The following DNAH2 variants were observed in gnomAD, a reference collection of about 807,000 sequenced individuals.
The protein encoded by DNAH2 is dynein axonemal heavy chain 2, also known as axonemal beta dynein heavy chain 2.
DNAH2 carries 323 observed loss-of-function variants against 523.5 expected under a neutral mutation model. That is an observed-to-expected ratio of 0.62 (90% CI 0.56 to 0.68). DNAH2 has a LOEUF of 0.68. DNAH2 is among the 30% of genes least tolerant of loss of function. DNAH2 has a pLI of 0.00. For synonymous variants in DNAH2, 2,093 were observed against 2,177.4 expected (o/e 0.96, Z 1.08); for missense variants, 4,907 against 5,701.5 (o/e 0.86, Z 4.49).
intron 58 of DNAH2, among the ~76,000 whole-genome samples, chr17:7,803,409 G>C (rs1035858928): frequency 7.9e-5 from 12 of 152,166 alleles, no homozygotes; most frequent in Non-Finnish European, 1.6e-4. Context: ...GGTGACTCAC[G>C]CCTGTAATCC....
At chr17:7,723,171 CGT>C (rs1567597888) in intron 2 of DNAH2, among the ~76,000 whole-genome samples, 4 of 149,238 alleles carry the variant, frequency 2.7e-5, no homozygotes, top group South Asian at 2.1e-4. Context: ...GGGGTTTCAC[CGT>C]ATTAGTCAGG....
chr17:7,797,000 G>C (rs895648306), intron 50 of DNAH2, among the ~76,000 whole-genome samples, 176 bp from the exon 51 acceptor site: 4 of 150,706 alleles, frequency 2.7e-5, no homozygotes, highest in African/African-American at 4.9e-5. Flanking sequence ...TACATGGGAG[G>C]CTGAGGCAGG....
Position 7,770,547 on chromosome 17 carries a change from C to T in DNAH2, c.4099-10C>T, listed in dbSNP as rs1189076329. 1 of 1,613,952 alleles carries T rather than the reference C, an allele frequency of 6.2e-7. No homozygotes were observed. On this transcript the variant is annotated splice_polypyrimidine_tract_variant and intron_variant, in intron 25 of 85. Coordinates refer to ENST00000572933, the MANE Select transcript of DNAH2 (RefSeq NM_020877.5). Reference sequence around the variant, plus strand: ...ACCTGACTGCTGTGTCCCCCAATTTCTCTCCACAGGCTTTACAAAACATTG... The same window carrying T: ...ACCTGACTGCTGTGTCCCCCAATTTTTCTCCACAGGCTTTACAAAACATTG...
intron 39 of DNAH2, among the ~76,000 whole-genome samples, chr17:7,785,845 T>C (rs915567314): frequency 6.6e-6 from 1 of 151,466 alleles, no homozygotes; most frequent in African/African-American, 2.4e-5. Flanking sequence ...GAGCTACATG[T>C]AAGACACTGT....
Position 7,779,389 on chromosome 17 carries a change from G to C in DNAH2, c.5688G>C (p.Val1896=), listed in dbSNP as rs1367740436. The C allele has an allele frequency of 6.2e-7, 1 of 1,613,920 alleles. No individual in the cohort carries two copies. The highest frequency in any genetic ancestry group is 8.5e-7 in the Non-Finnish European group (1 of 1,179,988). ...FHFDGFEINL[V]WSCGIFITMN... ...TTGATGGCTTTGAAATAAATCTGGTGTGGTCCTGTGGGATCTTCATTACCA... is the reference window on the plus strand; with the variant it reads ...TTGATGGCTTTGAAATAAATCTGGTCTGGTCCTGTGGGATCTTCATTACCA... The change falls in exon 36 of 86, where the codon GTG becomes GTC. Residue 1896 remains valine (V), a synonymous_variant. Transcript: ENST00000572933.
chr17:7,833,363 C>A lies in DNAH2; in HGVS notation c.13130-16C>A. On this transcript the variant is annotated splice_polypyrimidine_tract_variant and intron_variant, in intron 85 of 85. Coordinates refer to ENST00000572933, the MANE Select transcript of DNAH2 (RefSeq NM_020877.5). Reference sequence around the variant, plus strand: ...GGAGGCTCCAGGGGTCTGACTTCTCCTCTCCTTTCCCCCAGGCATGTACTC... The same window carrying A: ...GGAGGCTCCAGGGGTCTGACTTCTCATCTCCTTTCCCCCAGGCATGTACTC... The A allele has an allele frequency of 6.2e-7, 1 of 1,613,278 alleles. No individual in the cohort carries two copies. The highest frequency in any genetic ancestry group is 8.5e-7 in the Non-Finnish European group (1 of 1,179,656).
Position 7,760,418 on chromosome 17 carries a change from G to A in DNAH2, c.2786-322G>A, listed in dbSNP as rs2075973912. Among the ~76,000 whole-genome samples, 1 of 151,914 alleles carries A rather than the reference G, an allele frequency of 6.6e-6. No homozygotes were observed. ...GGGAAGGGAGCAGGGGCTTGGATGG[G>A]GGTTGAGATTAGGTGACTGATGCTC... is the stretch of plus-strand genomic sequence containing the variant. On this transcript the variant is annotated intron_variant, in intron 17 of 85. Transcript: ENST00000572933. The surrounding 1 kb of genome is among the most constrained non-coding windows in gnomAD (Gnocchi z 4.0).
intron 63 of DNAH2, among the ~76,000 whole-genome samples, chr17:7,811,653 A>C (rs2077520659): frequency 6.6e-6 from 1 of 152,212 alleles, no homozygotes; most frequent in Admixed American, 6.5e-5. Flanking sequence ...ACATAACAGA[A>C]GGGACAAACA....
intron 7 of DNAH2, among the ~76,000 whole-genome samples, chr17:7,736,592 G>A (rs1366890820): frequency 6.6e-6 from 1 of 152,188 alleles, no homozygotes; most frequent in East Asian, 1.9e-4. Flanking sequence ...ACTCTGGTCC[G>A]AAGGCTCACA....
Position 7,718,300 on chromosome 17 carries a change from T to A in DNAH2, c.-514T>A, listed in dbSNP as rs1462371909. ...TGGAGACTGATGGAGGAAGCCTCCT[T>A]GCTGTAGTTGGTTTTATTGATTTGC... On this transcript the variant is annotated 5_prime_UTR_variant, in exon 1 of 86. An upstream open reading frame in the 5' UTR gains an earlier in-frame stop. Transcript: ENST00000572933. 6.6e-6 allele frequency: 1 copy of A among 152,190 alleles called. No individual in the cohort carries two copies. Among genetic ancestry groups the A allele is most frequent in the African/African-American group, 2.4e-5 (1 of 41,444 alleles). 9.4% of individuals were successfully genotyped at this position (152,190 alleles called of 1,614,324 possible). A position where few individuals can be genotyped will look rare whatever the true frequency, so the allele number is the denominator to read the frequency against.
rs747477049 is a variant in DNAH2, at chr17:7,770,870, C to G, written c.4299C>G (p.Leu1433=). 10 of 1,614,076 alleles carry G rather than the reference C, an allele frequency of 6.2e-6. No homozygotes were observed. In the African/African-American group the frequency reaches 1.1e-4, roughly 17 times the overall value. ...EKDVDHWERC[L]SLILEVIEMI... ...ATGTGGACCACTGGGAACGCTGCCTCTCCCTCATTTTGGAGGTTATTGAGA... is the reference window on the plus strand; with the variant it reads ...ATGTGGACCACTGGGAACGCTGCCTGTCCCTCATTTTGGAGGTTATTGAGA... The change falls in exon 27 of 86, where the codon CTC becomes CTG. Residue 1433 remains leucine, a synonymous_variant. Coordinates refer to ENST00000572933, the MANE Select transcript of DNAH2 (RefSeq NM_020877.5).
intron 63 of DNAH2, among the ~76,000 whole-genome samples, chr17:7,809,543 C>T (rs1293681516): frequency 2.0e-5 from 3 of 152,130 alleles, no homozygotes; most frequent in Admixed American, 6.6e-5. Context: ...TTCCCAAGAG[C>T]GAAGAATCAC....
rs1021426809 is a variant in DNAH2 at position 7,754,122 on chromosome 17, A to C, written c.1905-2969A>C. On this transcript the variant is annotated intron_variant, in intron 12 of 85. Coordinates refer to ENST00000572933, the MANE Select transcript of DNAH2 (RefSeq NM_020877.5). This position sits in a 1 kb window ranked among gnomAD's most constrained non-coding sequence, Gnocchi z 4.6. ...GAATGGGAAGAAAAGAGTGACGGGG[A>C]TCTGTGGACGACATTCTTTAAAGCA... Among the ~76,000 whole-genome samples the C allele has an allele frequency of 6.6e-6, 1 of 152,016 alleles. No homozygotes were observed. The highest frequency in any genetic ancestry group is 2.4e-5 in the African/African-American group (1 of 41,370).
Position 7,828,536 on chromosome 17 carries a change from G to A in DNAH2, c.11854-1764G>A, listed in dbSNP as rs1052661482. Among the ~76,000 whole-genome samples the A allele has an allele frequency of 3.3e-5, 5 of 152,136 alleles. No individual in the cohort carries two copies. Among genetic ancestry groups the A allele is most frequent in the South Asian group, 2.1e-4 (1 of 4,822 alleles). On this transcript the variant is annotated intron_variant, in intron 77 of 85. Coordinates refer to ENST00000572933, the MANE Select transcript of DNAH2 (RefSeq NM_020877.5). The surrounding 1 kb of genome is among the most constrained non-coding windows in gnomAD (Gnocchi z 4.1). The stretch of plus-strand genomic sequence containing the variant: ...TACAATCATAGCACAATGGGATTGC[G>A]GGTGGCATGAGCCACTGTTCCCAGC...
In DNAH2 at chr17:7,778,091, T is replaced by C. The variant is rs753686065; in HGVS notation, c.5262T>C (p.Cys1754=). 67 of 1,614,036 alleles carry C rather than the reference T, an allele frequency of 4.2e-5. No homozygotes were observed. Among genetic ancestry groups the C allele is most frequent in the Non-Finnish European group, 5.4e-5 (64 of 1,179,908 alleles). Residue 1754 remains cysteine (C), a synonymous_variant, in exon 34 of 86, where the codon TGT becomes TGC. Coordinates refer to ENST00000572933, the MANE Select transcript of DNAH2 (RefSeq NM_020877.5). ...RFYWEKDLDD[C]VIRQTNTQFQ... ...GTTTTCCCCAGGATCTTGATGACTG[T>C]GTCATCCGCCAGACCAACACGCAAT...
At chr17:7,737,563 G>C (rs1486917033) in intron 8 of DNAH2, among the ~76,000 whole-genome samples, 1 of 152,246 alleles carries the variant, frequency 6.6e-6, no homozygotes, top group Non-Finnish European at 1.5e-5. Flanking sequence ...GCTGAGCTGT[G>C]TGGAAGGAAA....
intron 77 of DNAH2, among the ~76,000 whole-genome samples, chr17:7,825,117 A>T (rs1487260243): frequency 1.3e-5 from 2 of 152,002 alleles, no homozygotes; most frequent in Non-Finnish European, 2.9e-5. Flanking sequence ...ATACCTCAGA[A>T]CCTTCCTGCC....
Position 7,807,690 on chromosome 17 carries a change from A to C in DNAH2, c.9729+104A>C. Reference sequence around the variant, plus strand: ...CCATCTAATTCTAGCCCCCTTCCCCATGTCCTGTGCCATTCCAGTCCTGTC... The same window carrying C: ...CCATCTAATTCTAGCCCCCTTCCCCCTGTCCTGTGCCATTCCAGTCCTGTC... On this transcript the variant is annotated intron_variant, in intron 63 of 85. Transcript: ENST00000572933. The surrounding 1 kb of genome is among the most constrained non-coding windows in gnomAD (Gnocchi z 5.6). 5 of 998,062 alleles carry C rather than the reference A, an allele frequency of 5.0e-6. No individual in the cohort carries two copies. The highest frequency in any genetic ancestry group is 7.6e-6 in the Non-Finnish European group (5 of 660,262). 61.8% of individuals were successfully genotyped at this position (998,062 alleles called of 1,614,324 possible).
At chr17:7,729,403 G>C (rs1262690187) in intron 4 of DNAH2, among the ~76,000 whole-genome samples, 3 of 151,474 alleles carry the variant, frequency 2.0e-5, no homozygotes, top group Non-Finnish European at 4.4e-5. Context: ...AAAAAAAAGA[G>C]AGAGAGAGAG....
Sources: allele counts gnomAD v4.1 joint callset (sites outside exome capture counted in the v4.1 genomes callset), GRCh38; gene constraint gnomAD v4.1.1; non-coding constraint Gnocchi (gnomAD v3.1); transcripts MANE v1.5; gene names NCBI Gene and HGNC (gene_info 2026-07-23, HGNC 2026-07-21).